The following DACH1 variants were observed in gnomAD, a reference collection of about 807,000 sequenced individuals.
DACH1 encodes dachshund family transcription factor 1.
A neutral mutation model predicts 54.2 loss-of-function variants in DACH1; 12 were observed. That is an observed-to-expected ratio of 0.22 (90% CI 0.14 to 0.36). DACH1 has a LOEUF of 0.36. Ranked by LOEUF, DACH1 falls within the 10% of genes least tolerant of loss-of-function variation. DACH1 has a pLI of 1.00. For synonymous variants in DACH1, 386 were observed against 366.2 expected (o/e 1.05, Z -0.62); for missense variants, 805 against 929.8 (o/e 0.87, Z 1.75).
intron 1 of DACH1, among the ~76,000 whole-genome samples, chr13:71,702,808 A>G (rs920000810): frequency 6.6e-6 from 1 of 152,126 alleles, no homozygotes; most frequent in African/African-American, 2.4e-5. Flanking sequence ...TCTAAAGTCA[A>G]TTTAATCAAT....
intron 6 of DACH1, among the ~76,000 whole-genome samples, chr13:71,504,738 C>G (rs1880180187): frequency 1.3e-5 from 2 of 152,222 alleles, no homozygotes; most frequent in South Asian, 4.1e-4. Context: ...TCTTATGTAA[C>G]CAGTGACTTT....
At chr13:71,700,584 AAG>A (rs67368718) in intron 1 of DACH1, among the ~76,000 whole-genome samples, 1,591 of 109,510 alleles carry the variant, frequency 0.015, 71 homozygotes, top group African/African-American at 0.045. Context: ...AAAAAAAAAA[AAG>A]AGAGAGAGAG....
intron 1 of DACH1, among the ~76,000 whole-genome samples, chr13:71,804,094 G>A (rs1400845590): frequency 6.6e-6 from 1 of 152,172 alleles, no homozygotes; most frequent in Non-Finnish European, 1.5e-5. Context: ...CAAAGTGGGA[G>A]AATTGCTTGA....
rs1306091065 is a variant in DACH1, at chr13:71,475,839, T to C, written c.1881A>G (p.Gln627=). ...CCTTCTTCTCCTTCTTTAGCCTCTT[T>C]TGAACTATGGCTAAAAAAGAGTGTA... ...AMEQKNRAIV[Q]KRLKKEKKAK... Residue 627 remains glutamine, a synonymous_variant, in exon 9 of 11, where the codon CAA becomes CAG. Transcript: ENST00000613252. 1 of 1,609,370 alleles carries C rather than the reference T, an allele frequency of 6.2e-7. No individual in the cohort carries two copies. The highest frequency in any genetic ancestry group is 1.7e-5 in the Admixed American group (1 of 58,804).
chr13:71,493,786 TATG>T (rs1370688586), intron 6 of DACH1, among the ~76,000 whole-genome samples: 1 of 152,088 alleles, frequency 6.6e-6, no homozygotes, highest in Non-Finnish European at 1.5e-5. Flanking sequence ...TCTCACCTAT[TATG>T]ATGAAGAGTA....
intron 6 of DACH1, among the ~76,000 whole-genome samples, chr13:71,539,401 T>C (rs1882999478): frequency 6.6e-6 from 1 of 152,100 alleles, no homozygotes; most frequent in Non-Finnish European, 1.5e-5. Flanking sequence ...AATCTTTCCT[T>C]CGAAAGACTT....
intron 10 of DACH1, among the ~76,000 whole-genome samples, chr13:71,461,565 A>G (rs1876078832): frequency 6.6e-6 from 1 of 151,992 alleles, no homozygotes; most frequent in African/African-American, 2.4e-5. Flanking sequence ...TAAATATGGT[A>G]CTACTGGGCT....
chr13:71,749,125 C>A lies in DACH1; in HGVS notation c.849-67215G>T, dbSNP rs569489418. Among the ~76,000 whole-genome samples the A allele has an allele frequency of 5.7e-3, 869 of 151,880 alleles. 9 individuals are homozygous for A. Among genetic ancestry groups the A allele is most frequent in the African/African-American group, 0.018 (752 of 41,378 alleles). ...TTAGCCTCCTGAGTCACTGGGATTACAGGTGCCTGCCACCATGCCCAGCTA... is the reference window on the plus strand; with the variant it reads ...TTAGCCTCCTGAGTCACTGGGATTAAAGGTGCCTGCCACCATGCCCAGCTA... On this transcript the variant is annotated intron_variant, in intron 1 of 10. Transcript: ENST00000613252.
At chr13:71,610,899 G>A (rs1473169114) in intron 3 of DACH1, among the ~76,000 whole-genome samples, 1 of 152,088 alleles carries the variant, frequency 6.6e-6, no homozygotes, top group East Asian at 1.9e-4. Context: ...TTTTATACGG[G>A]CTAATGTATT....
intron 1 of DACH1, among the ~76,000 whole-genome samples, chr13:71,759,395 TC>T (rs1192932380): frequency 6.6e-6 from 1 of 152,166 alleles, no homozygotes; most frequent in Non-Finnish European, 1.5e-5. Context: ...CACGCTGCCC[TC>T]ACTATTATTA....
At chr13:71,561,437 A>G (rs1220976652) in intron 4 of DACH1, among the ~76,000 whole-genome samples, 1 of 152,132 alleles carries the variant, frequency 6.6e-6, no homozygotes, top group South Asian at 2.1e-4. Context: ...TGAAGATAGG[A>G]GGGAAGAATG....
At chr13:71,639,561 T>G (rs1223138105) in intron 2 of DACH1, among the ~76,000 whole-genome samples, 1 of 152,118 alleles carries the variant, frequency 6.6e-6, no homozygotes, top group Non-Finnish European at 1.5e-5. Context: ...AAGAAAGATG[T>G]TGTTATAATA....
chr13:71,586,429 A>C (rs1327976622), intron 3 of DACH1, among the ~76,000 whole-genome samples: 1 of 152,180 alleles, frequency 6.6e-6, no homozygotes, highest in Non-Finnish European at 1.5e-5. Context: ...CTATTGGTGC[A>C]AAGTGTATAT....
chr13:71,491,573 G>A (rs1878983541), intron 6 of DACH1, among the ~76,000 whole-genome samples: 1 of 152,094 alleles, frequency 6.6e-6, no homozygotes, highest in East Asian at 1.9e-4. Flanking sequence ...AATTCAATAT[G>A]TACATAAGAA....
intron 1 of DACH1, among the ~76,000 whole-genome samples, chr13:71,845,689 G>A (rs1252695633): frequency 6.6e-6 from 1 of 152,172 alleles, no homozygotes; most frequent in African/African-American, 2.4e-5. Context: ...AGTATGGAGA[G>A]TGAACTAGAA....
At chr13:71,703,424 C>A (rs925369191) in intron 1 of DACH1, among the ~76,000 whole-genome samples, 2 of 152,178 alleles carry the variant, frequency 1.3e-5, no homozygotes, top group Non-Finnish European at 2.9e-5. Flanking sequence ...CATGGGTCAG[C>A]AGACCATAGC....
chr13:71,834,768 T>C (rs1397683922), intron 1 of DACH1, among the ~76,000 whole-genome samples: 1 of 152,068 alleles, frequency 6.6e-6, no homozygotes, highest in Non-Finnish European at 1.5e-5. Context: ...TTGGGAATAA[T>C]ACCCATTTGA....
At chr13:71,521,910 G>A (rs921199489) in intron 6 of DACH1, among the ~76,000 whole-genome samples, 4 of 151,970 alleles carry the variant, frequency 2.6e-5, no homozygotes, top group African/African-American at 9.7e-5. Flanking sequence ...CTAAAACTTC[G>A]ATTTCAATAG....
intron 6 of DACH1, among the ~76,000 whole-genome samples, chr13:71,494,171 T>C (rs918199650): frequency 6.6e-6 from 1 of 152,166 alleles, no homozygotes; most frequent in African/African-American, 2.4e-5. Context: ...GTTATGCTAG[T>C]TCTCTACATT....
Sources: allele counts gnomAD v4.1 joint callset (sites outside exome capture counted in the v4.1 genomes callset), GRCh38; gene constraint gnomAD v4.1.1; transcripts MANE v1.5; gene names NCBI Gene and HGNC (gene_info 2026-07-23, HGNC 2026-07-21).